ATP1B3: variants seen among roughly 807,000 people sequenced by gnomAD.
ATP1B3 encodes ATPase Na+/K+ transporting subunit beta 3, also known as sodium/potassium-transporting ATPase subunit beta-3.
A neutral mutation model predicts 30.2 loss-of-function variants in ATP1B3; 10 were observed. That is an observed-to-expected ratio of 0.33 (90% confidence interval 0.20 to 0.56). The LOEUF (loss-of-function observed/expected upper bound fraction) is 0.56, where lower values mean the gene tolerates loss of function less well. ATP1B3 is among the 20% of genes least tolerant of loss of function. The probability of loss-of-function intolerance (pLI) is 0.90; values close to 1 mark genes in which losing one functional copy is unlikely to be tolerated. For missense variants in ATP1B3, 238 were observed against 336.7 expected (o/e 0.71, Z 2.29); for synonymous variants, 113 against 117.0 (o/e 0.97, Z 0.22).
At chr3:141,889,770 CACA>C (rs1933905809) in intron 1 of ATP1B3, among the ~76,000 whole-genome samples, 1 of 132,770 alleles carries the variant, frequency 7.5e-6, no homozygotes, top group Non-Finnish European at 1.5e-5. Flanking sequence ...CACACACACA[CACA>C]CACACACACA....
rs1406168308 is a variant in ATP1B3 at position 141,925,607 on chromosome 3, A to C, written c.746A>C (p.Glu249Ala). The change falls in exon 7 of 7, where the codon GAG (glutamate) becomes GCG (alanine). Residue 249 changes from glutamate to alanine, a missense_variant. Around this residue, in one of 3 missense-constraint regions of ATP1B3, gnomAD observed 50 missense variants for 62.3 expected, o/e 0.80. Coordinates refer to ENST00000286371, the MANE Select transcript of ATP1B3 (RefSeq NM_001679.4). Reference protein sequence around the residue: ...PNNTGKEVTVECKIDGSANLK... With the variant: ...PNNTGKEVTVACKIDGSANLK... The stretch of plus-strand genomic sequence containing the variant: ...AACACTGGGAAAGAAGTAACAGTTG[A>C]GTGCAAGATTGATGGATCAGCCAAC... 1 of 1,613,698 alleles carries C rather than the reference A, an allele frequency of 6.2e-7. No individual in the cohort carries two copies. Among genetic ancestry groups the C allele is most frequent in the Non-Finnish European group, 8.5e-7 (1 of 1,179,868 alleles).
At chr3:141,885,994 A>T (rs1933826237) in intron 1 of ATP1B3, among the ~76,000 whole-genome samples, 2 of 152,050 alleles carry the variant, frequency 1.3e-5, no homozygotes, top group African/African-American at 4.8e-5. Flanking sequence ...AGATCCAAAG[A>T]ATCAGTGAGA....
chr3:141,916,396 C>A, intron 5 of ATP1B3: 1 of 485,378 alleles, frequency 2.1e-6, no homozygotes, highest in Non-Finnish European at 4.0e-6. Context: ...TGCTAGTCAT[C>A]AGTGCTATCT....
At position 141,880,242 on chromosome 3, in the gene ATP1B3, T is replaced by TTTTGAGTGGCC. The variant is rs1205593050; in HGVS notation, c.109+3333_109+3343dup. Among the ~76,000 whole-genome samples, 11 of 152,302 alleles carry TTTTGAGTGGCC rather than the reference T, an allele frequency of 7.2e-5. No homozygotes were observed. In the East Asian group the frequency reaches 2.1e-3, roughly 29 times the overall value. ...CTTATTTAAAACAGCTACGTAAAGA[T>TTTTGAGTGGCC]TTTGAGTGGCCGCTTTACTGTGTAT... On this transcript the variant is annotated intron_variant, in intron 1 of 6. Transcript: ENST00000286371.
intron 6 of ATP1B3, among the ~76,000 whole-genome samples, chr3:141,925,025 G>A (rs1427836612): frequency 6.6e-6 from 1 of 152,152 alleles, no homozygotes; most frequent in African/African-American, 2.4e-5. Context: ...AGCATTCTGG[G>A]AGGACAAGGC....
chr3:141,900,497 C>G (rs1174707886), intron 1 of ATP1B3, among the ~76,000 whole-genome samples: 1 of 152,162 alleles, frequency 6.6e-6, no homozygotes, highest in Non-Finnish European at 1.5e-5. Context: ...AATTTGAGCA[C>G]TTACTTTCCT....
chr3:141,883,100 G>T (rs1933761174), intron 1 of ATP1B3, among the ~76,000 whole-genome samples: 1 of 152,080 alleles, frequency 6.6e-6, no homozygotes, highest in Admixed American at 6.5e-5. Context: ...CTGTTTCCTA[G>T]CTTCTGGGCC....
intron 1 of ATP1B3, among the ~76,000 whole-genome samples, chr3:141,896,813 G>A (rs1047233986): frequency 1.3e-5 from 2 of 151,970 alleles, no homozygotes; most frequent in African/African-American, 2.4e-5. Context: ...TGCTGATACA[G>A]CCCAGTGTTT....
intron 4 of ATP1B3, 71 bp downstream of exon 4, chr3:141,913,907 A>G (rs763862156): frequency 2.5e-5 from 36 of 1,447,070 alleles, no homozygotes; most frequent in South Asian, 2.9e-5. Context: ...CTATTTTTAG[A>G]TTGTTGTGGT....
intron 1 of ATP1B3, among the ~76,000 whole-genome samples, chr3:141,901,407 G>T (rs1934161558): frequency 6.6e-6 from 1 of 152,152 alleles, no homozygotes; most frequent in Non-Finnish European, 1.5e-5. Flanking sequence ...GGAAGAGGTG[G>T]TTGATAAAGT....
At chr3:141,877,940 A>G (rs1052909346) in intron 1 of ATP1B3, among the ~76,000 whole-genome samples, 1 of 152,060 alleles carries the variant, frequency 6.6e-6, no homozygotes, top group Non-Finnish European at 1.5e-5. Context: ...CTGAGTGGGA[A>G]TAAATCTCGA....
chr3:141,882,708 C>G (rs1933752177), intron 1 of ATP1B3, among the ~76,000 whole-genome samples: 1 of 152,176 alleles, frequency 6.6e-6, no homozygotes, highest in Non-Finnish European at 1.5e-5. Flanking sequence ...CTCAGCCTCC[C>G]AAGTAGCTGG....
At chr3:141,909,672 AG>A (rs1222039997) in intron 3 of ATP1B3, among the ~76,000 whole-genome samples, 2 of 152,226 alleles carry the variant, frequency 1.3e-5, no homozygotes, top group African/African-American at 4.8e-5. Flanking sequence ...AGGGGAGAGC[AG>A]TAGGAGACTG....
intron 1 of ATP1B3, among the ~76,000 whole-genome samples, chr3:141,890,086 CTT>C (rs1245235657): frequency 0.14 from 14,335 of 106,170 alleles, 630 homozygotes; most frequent in East Asian, 0.18. Context: ...AATTTTTTTT[CTT>C]TTTTTTTTTT....
chr3:141,898,939 A>C (rs1256844490), intron 1 of ATP1B3, among the ~76,000 whole-genome samples: 1 of 152,230 alleles, frequency 6.6e-6, no homozygotes, highest in African/African-American at 2.4e-5. Context: ...GCTGTAGCAT[A>C]AATGAACCTT....
At chr3:141,881,553 T>TAA (rs1294939241) in intron 1 of ATP1B3, among the ~76,000 whole-genome samples, 4 of 152,214 alleles carry the variant, frequency 2.6e-5, no homozygotes, top group African/African-American at 9.6e-5. Flanking sequence ...AGAAGGCAGA[T>TAA]GTGTTTGTTT....
intron 1 of ATP1B3, among the ~76,000 whole-genome samples, chr3:141,899,891 TGTG>T (rs1559868824): frequency 6.6e-6 from 1 of 151,652 alleles, no homozygotes; most frequent in Non-Finnish European, 1.5e-5. Flanking sequence ...GTCAGTTGAG[TGTG>T]GTGGCACACA....
intron 1 of ATP1B3, among the ~76,000 whole-genome samples, chr3:141,889,188 C>T (rs1405614959): frequency 6.6e-6 from 1 of 152,096 alleles, no homozygotes; most frequent in Non-Finnish European, 1.5e-5. Context: ...AGTCACCTCC[C>T]ACCAGGCCCC....
At chr3:141,885,396 C>T (rs930702615) in intron 1 of ATP1B3, among the ~76,000 whole-genome samples, 4 of 152,114 alleles carry the variant, frequency 2.6e-5, no homozygotes, top group African/African-American at 9.7e-5. Flanking sequence ...CAACCTTGTC[C>T]TCATTTTATC....
Sources: allele counts gnomAD v4.1 joint callset (sites outside exome capture counted in the v4.1 genomes callset), GRCh38; gene constraint gnomAD v4.1.1; regional missense constraint gnomAD v4.1.1; transcripts MANE v1.5; gene names NCBI Gene and HGNC (gene_info 2026-07-23, HGNC 2026-07-21).